Variants in ADAM12 observed in about 807,000 individuals in gnomAD.
The protein encoded by ADAM12 is ADAM metallopeptidase domain 12.
A neutral mutation model predicts 106.4 loss-of-function variants in ADAM12; 70 were observed. The ratio of observed to expected loss-of-function variants is 0.66; its 90% CI spans 0.54 to 0.80. ADAM12 has a LOEUF of 0.80. ADAM12 is among the 30% of genes least tolerant of loss of function. The probability of loss-of-function intolerance (pLI) is 0.00; values close to 1 mark genes in which losing one functional copy is unlikely to be tolerated. For synonymous variants in ADAM12, 420 were observed against 433.5 expected (o/e 0.97, Z 0.39); for missense variants, 1,010 against 1,171.9 (o/e 0.86, Z 2.02).
intron 1 of ADAM12, among the ~76,000 whole-genome samples, chr10:126,337,137 G>A (rs542849709): frequency 5.3e-5 from 8 of 152,344 alleles, no homozygotes; most frequent in African/African-American, 1.4e-4. Context: ...AGGACAGGCC[G>A]TCTGCAAGCT....
intron 3 of ADAM12, among the ~76,000 whole-genome samples, chr10:126,254,514 C>T (rs1042292170): frequency 1.3e-5 from 2 of 152,216 alleles, no homozygotes; most frequent in African/African-American, 2.4e-5. Flanking sequence ...CCTGCGGATG[C>T]TCTCCTCATC....
intron 3 of ADAM12, among the ~76,000 whole-genome samples, chr10:126,183,768 A>G (rs906953604): frequency 2.0e-5 from 3 of 152,210 alleles, no homozygotes; most frequent in South Asian, 4.1e-4. Context: ...TCCTAGAGCC[A>G]CAAAATGGGC....
At chr10:126,139,463 T>C (rs760039598) in intron 4 of ADAM12, among the ~76,000 whole-genome samples, 83 of 152,360 alleles carry the variant, frequency 5.4e-4, no homozygotes, top group Admixed American at 1.4e-3. Flanking sequence ...TATCAGTTTA[T>C]CAGTTTGTAG....
intron 2 of ADAM12, among the ~76,000 whole-genome samples, chr10:126,298,309 AC>A (rs1224159109): frequency 1.3e-5 from 2 of 152,238 alleles, no homozygotes; most frequent in Non-Finnish European, 2.9e-5. Context: ...AAAATGCCAC[AC>A]TTCATATGTT....
intron 3 of ADAM12, among the ~76,000 whole-genome samples, chr10:126,196,340 T>C (rs1957596523): frequency 6.6e-6 from 1 of 152,238 alleles, no homozygotes; most frequent in African/African-American, 2.4e-5. Context: ...CGGTTCTGGA[T>C]GTGAGCTAGC....
chr10:126,361,800 A>G (rs924515508), intron 1 of ADAM12, among the ~76,000 whole-genome samples: 2 of 152,234 alleles, frequency 1.3e-5, no homozygotes, highest in Non-Finnish European at 2.9e-5. Flanking sequence ...AAACTGGATT[A>G]AAGATTTAAA....
chr10:126,287,815 C>G (rs1350850870), intron 2 of ADAM12, among the ~76,000 whole-genome samples: 2 of 152,002 alleles, frequency 1.3e-5, no homozygotes, highest in African/African-American at 4.8e-5. Flanking sequence ...TAGCAAAGTT[C>G]CTCATTTGTG....
chr10:126,144,332 A>G (rs139102240), intron 4 of ADAM12, among the ~76,000 whole-genome samples: 2,646 of 152,342 alleles, frequency 0.017, 31 homozygotes, highest in Middle Eastern at 0.041. Flanking sequence ...GATCAAATAA[A>G]CATGACATGG....
At chr10:126,185,493 TG>T (rs1216545857) in intron 3 of ADAM12, among the ~76,000 whole-genome samples, 4 of 148,664 alleles carry the variant, frequency 2.7e-5, no homozygotes, top group African/African-American at 1.0e-4. Flanking sequence ...TTTTTTTTTT[TG>T]GATAGAGGGA....
chr10:126,306,653 C>T (rs1960857723), intron 2 of ADAM12, among the ~76,000 whole-genome samples: 1 of 152,150 alleles, frequency 6.6e-6, no homozygotes. Context: ...TTGAATTCTG[C>T]ATTGGCAGTT....
At chr10:126,018,740 T>C (rs909045790) in intron 22 of ADAM12, among the ~76,000 whole-genome samples, 1 of 152,128 alleles carries the variant, frequency 6.6e-6, no homozygotes, top group Non-Finnish European at 1.5e-5. Context: ...CCAGCATAAG[T>C]TGGGATTGAG....
chr10:126,362,440 A>G (rs1855773227), intron 1 of ADAM12, among the ~76,000 whole-genome samples: 2 of 152,032 alleles, frequency 1.3e-5, no homozygotes, highest in African/African-American at 4.8e-5. Context: ...CAGCAATCCC[A>G]CTTCTCGGTA....
intron 3 of ADAM12, among the ~76,000 whole-genome samples, chr10:126,265,490 C>G (rs1024218513): frequency 6.6e-6 from 1 of 152,132 alleles, no homozygotes; most frequent in Non-Finnish European, 1.5e-5. Flanking sequence ...ACTCAGTGGT[C>G]AACCTGTCAT....
chr10:126,121,156 CTA>C (rs1261971447), intron 5 of ADAM12, among the ~76,000 whole-genome samples: 2 of 31,602 alleles, frequency 6.3e-5, no homozygotes, highest in African/African-American at 2.6e-4. Context: ...ACTATATATA[CTA>C]TATATACTAT....
chr10:126,203,995 G>A (rs1379799624), intron 3 of ADAM12, among the ~76,000 whole-genome samples: 1 of 152,150 alleles, frequency 6.6e-6, no homozygotes, highest in East Asian at 1.9e-4. Flanking sequence ...AATGTCCCCA[G>A]AAGTTCACCC....
At chr10:126,266,164 G>C (rs563239871) in intron 3 of ADAM12, among the ~76,000 whole-genome samples, 1 of 152,242 alleles carries the variant, frequency 6.6e-6, no homozygotes, top group African/African-American at 2.4e-5. Context: ...TGGTCCCTGG[G>C]CTCCACAGGC....
At chr10:126,319,498 G>A (rs1050137648) in intron 2 of ADAM12, among the ~76,000 whole-genome samples, 2 of 152,158 alleles carry the variant, frequency 1.3e-5, no homozygotes, top group African/African-American at 2.4e-5. Flanking sequence ...AATCCCAGCT[G>A]AGGGCCAGTC....
chr10:126,356,854 A>G (rs2133895603), intron 1 of ADAM12, among the ~76,000 whole-genome samples: 1 of 152,346 alleles, frequency 6.6e-6, no homozygotes, highest in East Asian at 1.9e-4. Context: ...AATGCAATAG[A>G]AAGCTTCAAC....
intron 1 of ADAM12, among the ~76,000 whole-genome samples, chr10:126,344,107 C>A (rs1487256622): frequency 6.6e-6 from 1 of 152,144 alleles, no homozygotes; most frequent in African/African-American, 2.4e-5. Flanking sequence ...ATGCCTATGT[C>A]CTGAATGGTA....
Sources: gnomAD v4.1 joint callset for allele counts (sites outside exome capture counted in the v4.1 genomes callset) on GRCh38, gnomAD v4.1.1 for gene constraint, MANE v1.5 for transcripts, NCBI Gene and HGNC (gene_info 2026-07-23, HGNC 2026-07-21) for gene names.